Variants in CTNNA3 observed in about 807,000 individuals in gnomAD.
CTNNA3 encodes the protein catenin alpha-3.
A neutral mutation model predicts 95.7 loss-of-function variants in CTNNA3; 76 were observed. The observed-to-expected ratio is 0.79, with a 90% CI of 0.66 to 0.96. The LOEUF (loss-of-function observed/expected upper bound fraction) is 0.96. Among genes scored for constraint, CTNNA3 ranks in the 40% least tolerant of loss-of-function variants. CTNNA3 has a pLI of 0.00. For missense variants in CTNNA3, 1,191 were observed against 1,089.8 expected (o/e 1.09, Z -1.31); for synonymous variants, 431 against 374.4 (o/e 1.15, Z -1.74).
At position 67,514,543 on chromosome 10, in the gene CTNNA3, A is replaced by G. The variant is rs1839747890; in HGVS notation, c.579+7299T>C. Among the ~76,000 whole-genome samples the G allele has an allele frequency of 2.0e-5, 3 of 152,112 alleles. No homozygotes were observed. In the South Asian group the frequency reaches 6.2e-4, roughly 32 times the overall value. On this transcript the variant is annotated intron_variant, in intron 5 of 17. Transcript: ENST00000433211. ...TATTTTTTTTTATTATTATACTTTA[A>G]GTTTTAGGGTACATGTGCACATTAT...
intron 13 of CTNNA3, among the ~76,000 whole-genome samples, chr10:66,181,053 T>G: frequency 6.6e-6 from 1 of 152,074 alleles, no homozygotes; most frequent in Non-Finnish European, 1.5e-5. Flanking sequence ...GTAAGAAAAT[T>G]TATATTCAGG....
chr10:66,572,541 G>C (rs1842900360), intron 10 of CTNNA3, among the ~76,000 whole-genome samples: 1 of 150,732 alleles, frequency 6.6e-6, no homozygotes, highest in South Asian at 2.1e-4. Flanking sequence ...ATTCTGTGTG[G>C]CTAATTGCAT....
chr10:67,271,481 A>T (rs993361668), intron 5 of CTNNA3, among the ~76,000 whole-genome samples: 1 of 152,138 alleles, frequency 6.6e-6, no homozygotes, highest in Non-Finnish European at 1.5e-5. Context: ...GCAATGTGGA[A>T]CTGTGAGTCA....
intron 3 of CTNNA3, among the ~76,000 whole-genome samples, chr10:67,585,490 T>TA (rs1842595008): frequency 6.6e-6 from 1 of 152,158 alleles, no homozygotes; most frequent in Non-Finnish European, 1.5e-5. Flanking sequence ...GGAGTTTTTT[T>TA]ATTACTAATT....
At chr10:66,512,607 A>G (rs1381471037) in intron 11 of CTNNA3, among the ~76,000 whole-genome samples, 1 of 152,082 alleles carries the variant, frequency 6.6e-6, no homozygotes, top group Non-Finnish European at 1.5e-5. Flanking sequence ...ATAGACACAT[A>G]TCTGCTTTTG....
At chr10:67,008,813 TC>T (rs1356436699) in intron 7 of CTNNA3, among the ~76,000 whole-genome samples, 2 of 152,338 alleles carry the variant, frequency 1.3e-5, no homozygotes, top group Non-Finnish European at 2.9e-5. Flanking sequence ...TGCATAAGAA[TC>T]TTTTTAAGTC....
chr10:67,586,066 A>G (rs1477834942), intron 3 of CTNNA3, among the ~76,000 whole-genome samples: 1 of 152,156 alleles, frequency 6.6e-6, no homozygotes, highest in Non-Finnish European at 1.5e-5. Context: ...TTCAATAATA[A>G]TTTCTTCATT....
intron 11 of CTNNA3, among the ~76,000 whole-genome samples, chr10:66,400,224 G>T (rs1221309826): frequency 1.3e-5 from 2 of 151,880 alleles, no homozygotes; most frequent in South Asian, 2.1e-4. Flanking sequence ...CAACCATAAG[G>T]TTCAAGAGAA....
At chr10:67,227,089 T>TC (rs1322144750) in intron 5 of CTNNA3, among the ~76,000 whole-genome samples, 1 of 150,584 alleles carries the variant, frequency 6.6e-6, no homozygotes, top group Admixed American at 6.6e-5. Flanking sequence ...GGTAGCTTTT[T>TC]TTTTCTTTTT....
chr10:66,086,253 T>A (rs972831638), intron 14 of CTNNA3, among the ~76,000 whole-genome samples: 2 of 152,084 alleles, frequency 1.3e-5, no homozygotes. Context: ...TGTCTATAAA[T>A]GAGCACAAAA....
chr10:66,567,088 G>C (rs1159953591), intron 10 of CTNNA3, among the ~76,000 whole-genome samples: 1 of 148,446 alleles, frequency 6.7e-6, no homozygotes, highest in Non-Finnish European at 1.5e-5. Flanking sequence ...GGGAGGAGTG[G>C]GGAGGGGTTT....
intron 6 of CTNNA3, among the ~76,000 whole-genome samples, chr10:67,181,639 G>A (rs543996674): frequency 2.0e-5 from 3 of 151,906 alleles, no homozygotes; most frequent in South Asian, 2.1e-4. Flanking sequence ...TTTTATATAG[G>A]TAGAGGTGTT....
At chr10:67,713,584 C>T (rs892972601) in intron 1 of CTNNA3, among the ~76,000 whole-genome samples, 1 of 152,174 alleles carries the variant, frequency 6.6e-6, no homozygotes, top group African/African-American at 2.4e-5. Context: ...CACATATACA[C>T]CATGGAATAC....
intron 15 of CTNNA3, among the ~76,000 whole-genome samples, chr10:66,041,797 T>C (rs1264742054): frequency 2.6e-5 from 4 of 152,210 alleles, no homozygotes; most frequent in African/African-American, 9.6e-5. Context: ...CAGATTCTCA[T>C]AAAATAGCTT....
intron 11 of CTNNA3, among the ~76,000 whole-genome samples, chr10:66,435,960 T>A (rs1282228977): frequency 2.0e-5 from 3 of 152,214 alleles, no homozygotes; most frequent in Non-Finnish European, 2.9e-5. Flanking sequence ...AGCAGGTTGT[T>A]CAGTTTCCAT....
At chr10:66,654,852 T>G (rs2132424896) in intron 9 of CTNNA3, among the ~76,000 whole-genome samples, 1 of 152,196 alleles carries the variant, frequency 6.6e-6, no homozygotes, top group Admixed American at 6.5e-5. Context: ...TAAGACAGGC[T>G]TTACCACATG....
In CTNNA3 at chr10:67,606,383, A is replaced by C. The variant is rs922266026; in HGVS notation, c.292+474T>G. On this transcript the variant is annotated intron_variant, in intron 3 of 17. Transcript: ENST00000433211. The stretch of plus-strand genomic sequence containing the variant: ...AACTTGGCTCATTCACAGTTTATGC[A>C]AAGCATTTTTTGAAAAGTTTAGGAA... Among the ~76,000 whole-genome samples, 21 of 152,254 alleles carry C rather than the reference A, an allele frequency of 1.4e-4. 1 individual carries two copies. Among genetic ancestry groups the C allele is most frequent in the African/African-American group, 4.3e-4 (18 of 41,478 alleles).
intron 5 of CTNNA3, among the ~76,000 whole-genome samples, chr10:67,440,335 AG>A (rs1846457942): frequency 6.6e-6 from 1 of 152,174 alleles, no homozygotes; most frequent in Non-Finnish European, 1.5e-5. Flanking sequence ...ACAGAACACA[AG>A]GCAGATTTCT....
intron 11 of CTNNA3, among the ~76,000 whole-genome samples, chr10:66,511,190 G>A (rs1306565739): frequency 6.6e-6 from 1 of 151,658 alleles, no homozygotes; most frequent in Non-Finnish European, 1.5e-5. Flanking sequence ...GTTCCTAACA[G>A]TCTCTAATGA....
Sources: gnomAD v4.1 joint callset for allele counts (sites outside exome capture counted in the v4.1 genomes callset) on GRCh38, gnomAD v4.1.1 for gene constraint, MANE v1.5 for transcripts, NCBI Gene and HGNC (gene_info 2026-07-23, HGNC 2026-07-21) for gene names.